Variants in CCDC171 observed in about 807,000 individuals in gnomAD.
The protein encoded by CCDC171 is coiled-coil domain containing 171.
Under a neutral mutation model 168.2 loss-of-function variants are expected in CCDC171, and 177 were observed. That is an observed-to-expected ratio of 1.05 (90% CI 0.93 to 1.19). CCDC171 has a LOEUF of 1.19. CCDC171 is among the 50% of genes most tolerant of loss of function. The pLI is 0.00. For missense variants in CCDC171, 1,991 were observed against 1,539.0 expected, an observed-to-expected ratio of 1.29 and a Z score of -4.91; for synonymous variants, 687 against 540.8, an observed-to-expected ratio of 1.27 and a Z score of -3.75.
intron 21 of CCDC171, among the ~76,000 whole-genome samples, chr9:15,810,890 A>G (rs117635839): frequency 0.011 from 1,632 of 152,376 alleles, 16 homozygotes; most frequent in Admixed American, 0.015. Context: ...AAGCATGGCC[A>G]GAGCAGACGC....
chr9:15,607,211 A>G (rs1183433051), intron 6 of CCDC171, among the ~76,000 whole-genome samples: 3 of 152,142 alleles, frequency 2.0e-5, no homozygotes. Context: ...TGCTACCTAG[A>G]TCATGTTAGT....
At chr9:15,795,423 T>G (rs930801318) in intron 21 of CCDC171, among the ~76,000 whole-genome samples, 2 of 152,024 alleles carry the variant, frequency 1.3e-5, no homozygotes, top group Admixed American at 1.3e-4. Flanking sequence ...ATTCAAACCA[T>G]AGCAAGTGGA....
chr9:15,795,157 C>G (rs538930846), intron 21 of CCDC171, among the ~76,000 whole-genome samples: 1 of 152,148 alleles, frequency 6.6e-6, no homozygotes, highest in Non-Finnish European at 1.5e-5. Flanking sequence ...TGTGTCATCC[C>G]ATGGCAGAAG....
chr9:15,728,192 T>C (rs1263778017), intron 15 of CCDC171, among the ~76,000 whole-genome samples, 156 bp downstream of exon 15: 1 of 152,194 alleles, frequency 6.6e-6, no homozygotes, highest in African/African-American at 2.4e-5. Context: ...ACAACTCAGT[T>C]TGATGCCATT....
chr9:15,947,688 C>G (rs949375944), intron 25 of CCDC171, among the ~76,000 whole-genome samples: 1 of 151,978 alleles, frequency 6.6e-6, no homozygotes, highest in Non-Finnish European at 1.5e-5. Flanking sequence ...AATATCTCTT[C>G]AAGACCCTAC....
intron 6 of CCDC171, among the ~76,000 whole-genome samples, chr9:15,601,019 C>T (rs1374529356): frequency 1.3e-5 from 2 of 152,160 alleles, no homozygotes; most frequent in African/African-American, 4.8e-5. Flanking sequence ...ACCCGATTTA[C>T]AGGTGCCATC....
At chr9:15,944,463 C>G (rs1405625828) in intron 25 of CCDC171, among the ~76,000 whole-genome samples, 1 of 151,988 alleles carries the variant, frequency 6.6e-6, no homozygotes, top group Non-Finnish European at 1.5e-5. Flanking sequence ...CTAATACTTT[C>G]CATGTGTGAG....
In CCDC171 at chr9:15,818,881, C is replaced by T. The variant is rs1410048527; in HGVS notation, c.3268-27821C>T. Among the ~76,000 whole-genome samples the T allele has an allele frequency of 4.3e-5, 5 of 116,508 alleles. 2 individuals are homozygous for T. Among genetic ancestry groups the T allele is most frequent in the African/African-American group, 1.6e-4 (5 of 30,830 alleles). The allele number at this position is 116,508 out of a possible 152,430, so 76.4% of individuals were successfully genotyped here. Reference sequence around the variant, plus strand: ...CTCCTCGAGAAGAGCAACTCTGAGACACATAATTGTCAGATTCCCCAAAGT... The same window carrying T: ...CTCCTCGAGAAGAGCAACTCTGAGATACATAATTGTCAGATTCCCCAAAGT... On this transcript the variant is annotated intron_variant, in intron 21 of 25. Coordinates refer to ENST00000380701, the MANE Select transcript of CCDC171 (RefSeq NM_173550.4).
intron 18 of CCDC171, among the ~76,000 whole-genome samples, chr9:15,774,246 TAAAAAAAAAAAA>T (rs56239417): frequency 1.8e-4 from 7 of 38,022 alleles, no homozygotes; most frequent in African/African-American, 4.8e-4. Context: ...ACGCTGTCTT[TAAAAAAAAAAAA>T]AAAAAAAAAA....
At chr9:16,018,847 C>G (rs2133014134) in intron 3 of CCDC171, among the ~76,000 whole-genome samples, 1 of 152,294 alleles carries the variant, frequency 6.6e-6, no homozygotes, top group South Asian at 2.1e-4. Flanking sequence ...GGCCTTTTTT[C>G]AGAGATGATG....
At chr9:15,885,228 C>T (rs745736157) in intron 24 of CCDC171, among the ~76,000 whole-genome samples, 7 of 151,996 alleles carry the variant, frequency 4.6e-5, no homozygotes, top group Admixed American at 1.3e-4. Flanking sequence ...AATGACAAAA[C>T]GTATCAAAGT....
intron 21 of CCDC171, among the ~76,000 whole-genome samples, chr9:15,809,993 A>G (rs2059266965): frequency 6.6e-6 from 1 of 152,122 alleles, no homozygotes; most frequent in African/African-American, 2.4e-5. Context: ...TGCATTTACA[A>G]ACCTTTAGCT....
At chr9:15,666,983 T>TA (rs1396601238) in intron 9 of CCDC171, among the ~76,000 whole-genome samples, 2 of 152,168 alleles carry the variant, frequency 1.3e-5, no homozygotes, top group Non-Finnish European at 2.9e-5. Flanking sequence ...GAAGGTATTT[T>TA]AAAAAATCTC....
intron 3 of CCDC171, among the ~76,000 whole-genome samples, chr9:15,997,152 A>G (rs1423310796): frequency 6.6e-6 from 1 of 152,242 alleles, no homozygotes; most frequent in Non-Finnish European, 1.5e-5. Context: ...TGACATTTAC[A>G]AAAGTCTTCC....
intron 21 of CCDC171, among the ~76,000 whole-genome samples, chr9:15,800,015 G>T (rs2058745211): frequency 6.6e-6 from 1 of 151,910 alleles, no homozygotes; most frequent in Non-Finnish European, 1.5e-5. Flanking sequence ...TTCTTTATCT[G>T]TTGATGGCCA....
At chr9:15,897,262 G>A (rs551510629) in intron 24 of CCDC171, among the ~76,000 whole-genome samples, 1 of 144,152 alleles carries the variant, frequency 6.9e-6, no homozygotes, top group South Asian at 2.3e-4. Context: ...TAAGTTAATC[G>A]AGTATACCAG....
At chr9:16,088,258 C>G in the CCDC171 span, among the ~76,000 whole-genome samples, 2 of 152,156 alleles carry the variant, frequency 1.3e-5, no homozygotes, top group Admixed American at 1.3e-4. Flanking sequence ...ACACCCACAG[C>G]CAATATCATA....
Position 15,594,052 on chromosome 9 carries a change from A to G in CCDC171, c.555A>G (p.Glu185=). 5 of 1,588,100 alleles carry G rather than the reference A, an allele frequency of 3.1e-6. No homozygotes were observed. The highest frequency in any genetic ancestry group is 4.3e-6 in the Non-Finnish European group (5 of 1,166,586). ...RLEKTLQEAL[E]KHQREKNEME... ...TTATTTATATAAAGGAAGCGTTGGA[A>G]AAACATCAACGGGAGAAGAATGAGA... Residue 185 remains glutamate (E), a synonymous_variant, in exon 6 of 26, where the codon GAA becomes GAG. Transcript: ENST00000380701.
At chr9:15,770,901 T>C (rs2056978518) in intron 18 of CCDC171, among the ~76,000 whole-genome samples, 1 of 152,202 alleles carries the variant, frequency 6.6e-6, no homozygotes, top group South Asian at 2.1e-4. Context: ...GAGTATCCCA[T>C]ACATGTGTAC....
Sources: gnomAD v4.1 joint callset for allele counts (sites outside exome capture counted in the v4.1 genomes callset) on GRCh38, gnomAD v4.1.1 for gene constraint, MANE v1.5 for transcripts, NCBI Gene and HGNC (gene_info 2026-07-23, HGNC 2026-07-21) for gene names.